ALG13: variants seen among roughly 807,000 people sequenced by gnomAD.
ALG13 encodes the protein UDP-N-acetylglucosamine transferase subunit ALG13.
In ALG13, 11 loss-of-function variants were observed where a neutral mutation model predicts 87.8. That is an observed-to-expected ratio of 0.13 (90% CI 0.08 to 0.21). The LOEUF is 0.21. Ranked by LOEUF, ALG13 falls within the 10% of genes least tolerant of loss-of-function variation. ALG13 has a pLI of 1.00. For missense variants in ALG13, 756 were observed against 866.1 expected (o/e 0.87, Z 1.60); for synonymous variants, 320 against 306.3 (o/e 1.04, Z -0.47).
chrX:111,711,425 A>G (rs1939753534), intron 5 of ALG13, among the ~76,000 whole-genome samples: 1 of 112,468 alleles, frequency 8.9e-6, no homozygotes, highest in Non-Finnish European at 1.9e-5. Flanking sequence ...ACTCGAAAGC[A>G]TACCATTTGA....
Position 111,757,771 on chromosome X carries a change from G to A in ALG13, c.3148+9G>A. 8.4e-7 allele frequency: 1 copy of A among 1,196,112 alleles called. No individual in the cohort carries two copies. The highest frequency in any genetic ancestry group is 1.1e-6 in the Non-Finnish European group (1 of 888,237). On this transcript the variant is annotated intron_variant, in intron 26 of 26. Coordinates refer to ENST00000394780, the MANE Select transcript of ALG13 (RefSeq NM_001099922.3). ...GGAAGCATCAGCAAATGGTGAGTGT[G>A]TAATGAGATTGCCAGCAAGAAAGAC...
At chrX:111,735,443 C>T (rs777977484) in intron 22 of ALG13, among the ~76,000 whole-genome samples, 2 of 111,209 alleles carry the variant, frequency 1.8e-5, no homozygotes, top group Non-Finnish European at 3.8e-5. Flanking sequence ...TAAAGCTTTC[C>T]TGTAGAATGG....
chrX:111,753,858 G>A (rs1944978781), intron 25 of ALG13, among the ~76,000 whole-genome samples: 1 of 111,658 alleles, frequency 9.0e-6, no homozygotes, highest in Non-Finnish European at 1.9e-5. Context: ...AAGAGGAGCT[G>A]GTACTATTCC....
chrX:111,695,210 C>T (rs1936789250), intron 3 of ALG13, among the ~76,000 whole-genome samples: 2 of 111,526 alleles, frequency 1.8e-5, no homozygotes, highest in Admixed American at 9.5e-5. Context: ...TGATCAGACA[C>T]TGCAGGTATC....
At chrX:111,685,488 C>G (rs1376685043) in intron 3 of ALG13, among the ~76,000 whole-genome samples, 2 of 112,100 alleles carry the variant, frequency 1.8e-5, no homozygotes, top group East Asian at 5.6e-4. Flanking sequence ...AGTAAATCCA[C>G]TAAAATCCCT....
At chrX:111,699,187 T>C (rs5985352) in intron 3 of ALG13, among the ~76,000 whole-genome samples, 26,546 of 111,115 alleles carry the variant, frequency 0.24, 7,664 homozygotes, top group African/African-American at 0.82. Context: ...GTTCCTTTGC[T>C]CATTTTTAAA....
chrX:111,693,904 G>A (rs1317043284), intron 3 of ALG13, among the ~76,000 whole-genome samples: 1 of 111,152 alleles, frequency 9.0e-6, no homozygotes, highest in African/African-American at 3.3e-5. Flanking sequence ...AGGCTGAGGC[G>A]AACTTCAGTA....
At position 111,707,977 on chromosome X, in the gene ALG13, T is replaced by A; in HGVS notation, c.384-50T>A. The A allele has an allele frequency of 2.6e-6, 3 of 1,151,910 alleles. No individual in the cohort carries two copies. The South Asian group carries it at 6.2e-5, about 24-fold the overall frequency. 94.9% of individuals were successfully genotyped at this position (1,151,910 alleles called of 1,213,427 possible). ...CCTCCCTCCCATGTCTCCTGCTTAG[T>A]CTGAGTTCCCTATTCCTAGGAGGAT... On this transcript the variant is annotated intron_variant, in intron 3 of 26. Transcript: ENST00000394780.
chrX:111,685,098 C>T lies in ALG13; in HGVS notation c.378C>T (p.Thr126=), dbSNP rs777042118. Residue 126 remains threonine (T), a synonymous_variant, in exon 3 of 27, where the codon ACC becomes ACT. Coordinates refer to ENST00000394780, the MANE Select transcript of ALG13 (RefSeq NM_001099922.3). Reference sequence around the variant, plus strand: ...AAGAGGGTCATCTCTTCTATTGTACCTGCAGGTATGCTAGAGACTGATTAT... The same window carrying T: ...AAGAGGGTCATCTCTTCTATTGTACTTGCAGGTATGCTAGAGACTGATTAT... The part of the protein sequence containing the change: ...LHKEGHLFYC[T]CRVLTCPGQA... 3.3e-6 allele frequency: 4 copies of T among 1,207,859 alleles called. No individual in the cohort carries two copies. The highest frequency in any genetic ancestry group is 2.3e-4 in the Middle Eastern group (1 of 4,347).
At chrX:111,757,269 C>T (rs767620472) in intron 25 of ALG13, 7 of 179,664 alleles carry the variant, frequency 3.9e-5, no homozygotes, top group African/African-American at 9.0e-5. Flanking sequence ...TTATCCAGTT[C>T]CCTGTTGTTA....
intron 3 of ALG13, among the ~76,000 whole-genome samples, chrX:111,697,544 G>A (rs1937136316): frequency 8.9e-6 from 1 of 111,750 alleles, no homozygotes; most frequent in African/African-American, 3.3e-5. Flanking sequence ...AGTTTTTCAG[G>A]ACTAAAGTAG....
At position 111,702,841 on chromosome X, in the gene ALG13, C is replaced by CT. The variant is rs36107959; in HGVS notation, c.384-5175dup. Among the ~76,000 whole-genome samples, 682 of 104,400 alleles carry CT rather than the reference C, an allele frequency of 6.5e-3. 9 individuals carry two copies. Among genetic ancestry groups the CT allele is most frequent in the African/African-American group, 0.021 (619 of 28,972 alleles). The allele number at this position is 104,400 out of a possible 115,157, so 90.7% of individuals were successfully genotyped here. A position where few individuals can be genotyped will look rare whatever the true frequency, so the allele number is the denominator to read the frequency against. On this transcript the variant is annotated intron_variant, in intron 3 of 26. Transcript: ENST00000394780. ...AGAAAGGGTGGCAACATTTTTGAAT[C>CT]TTTTTTTTTTTCTAAAAACACCTTG... is the stretch of plus-strand genomic sequence containing the variant.
chrX:111,691,682 T>C (rs1304233925), intron 3 of ALG13, among the ~76,000 whole-genome samples: 1 of 112,034 alleles, frequency 8.9e-6, no homozygotes, highest in Non-Finnish European at 1.9e-5. Flanking sequence ...GAGAGAATAT[T>C]TGAAATCAGA....
intron 24 of ALG13, among the ~76,000 whole-genome samples, chrX:111,750,362 A>G (rs893526118): frequency 1.8e-5 from 2 of 111,290 alleles, no homozygotes; most frequent in Non-Finnish European, 3.8e-5. Context: ...TAAGCATACT[A>G]TTTTCAAGGT....
intron 3 of ALG13, among the ~76,000 whole-genome samples, chrX:111,698,908 C>G (rs1417443678): frequency 9.0e-6 from 1 of 111,084 alleles, no homozygotes; most frequent in Non-Finnish European, 1.9e-5. Context: ...TATGGTAGTT[C>G]TATTTAATTT....
chrX:111,689,265 A>G (rs1417109830), intron 3 of ALG13: 2 of 750,351 alleles, frequency 2.7e-6, no homozygotes, highest in Non-Finnish European at 3.1e-6. Flanking sequence ...TGTTTTAGGA[A>G]AGGTCCTATT....
chrX:111,719,708 A>G (rs1048252575), intron 10 of ALG13, among the ~76,000 whole-genome samples: 3 of 111,886 alleles, frequency 2.7e-5, no homozygotes, highest in African/African-American at 9.8e-5. Flanking sequence ...TTCGAGCTAT[A>G]GGACTGAGAG....
chrX:111,697,017 A>G (rs1937066571), intron 3 of ALG13, among the ~76,000 whole-genome samples: 1 of 87,259 alleles, frequency 1.1e-5, no homozygotes, highest in Non-Finnish European at 2.1e-5. Flanking sequence ...CCAAAGAATG[A>G]TTGCTTGCTG....
In ALG13 at chrX:111,724,987, C is replaced by A. The variant is rs779247249; in HGVS notation, c.1655C>A (p.Pro552His). 6.6e-6 allele frequency: 8 copies of A among 1,209,217 alleles called. No homozygotes were observed. Among genetic ancestry groups the A allele is most frequent in the Non-Finnish European group, 8.9e-6 (8 of 894,527 alleles). Residue 552 changes from proline to histidine, a missense_variant, in exon 15 of 27, where the codon CCT (proline) becomes CAT (histidine). Transcript: ENST00000394780. The part of the protein sequence containing the change: ...LKPVTQVMSV[P>H]AWNAMPSRKG... ...CCAGTTACCCAAGTGATGTCTGTTC[C>A]TGCCTGGAATGCTATGCCCAGTCGG...
Sources: gnomAD v4.1 joint callset for allele counts (sites outside exome capture counted in the v4.1 genomes callset) on GRCh38, gnomAD v4.1.1 for gene constraint, MANE v1.5 for transcripts, NCBI Gene and HGNC (gene_info 2026-07-23, HGNC 2026-07-21) for gene names.